Variants in DNAH5 observed in about 807,000 individuals in gnomAD.
DNAH5 encodes axonemal beta dynein heavy chain 5.
Under a neutral mutation model 518.2 loss-of-function variants are expected in DNAH5, and 372 were observed. The ratio of observed to expected loss-of-function variants is 0.72; its 90% CI spans 0.66 to 0.78. The LOEUF (loss-of-function observed/expected upper bound fraction) is 0.78. Among genes scored for constraint, DNAH5 ranks in the 30% least tolerant of loss-of-function variants. The probability of loss-of-function intolerance (pLI) is 0.00; values close to 1 mark genes in which losing one functional copy is unlikely to be tolerated. For missense variants in DNAH5, 5,523 were observed against 5,687.0 expected (o/e 0.97, Z 0.93); for synonymous variants, 2,039 against 2,025.9 (o/e 1.01, Z -0.17).
chr5:13,718,864 A>G lies in DNAH5; in HGVS notation c.12499+18T>C, dbSNP rs1744658385. On this transcript the variant is annotated intron_variant, in intron 72 of 78. Coordinates refer to ENST00000265104, the MANE Select transcript of DNAH5 (RefSeq NM_001369.3). ...AGTAAGGAAACTCCTGTAGACTCGC[A>G]AGTATTTCTGGACTCACCACTATAT... 1 of 1,590,106 alleles carries G rather than the reference A, an allele frequency of 6.3e-7. No individual in the cohort carries two copies. Among genetic ancestry groups the G allele is most frequent in the Non-Finnish European group, 8.6e-7 (1 of 1,158,218 alleles).
At chr5:13,738,793 T>G (rs1328862062) in intron 65 of DNAH5, among the ~76,000 whole-genome samples, 2 of 152,130 alleles carry the variant, frequency 1.3e-5, no homozygotes, top group African/African-American at 2.4e-5. Context: ...CAACTTGCTA[T>G]ATGAGAGACT....
intron 38 of DNAH5, among the ~76,000 whole-genome samples, chr5:13,826,201 G>A (rs1762867020): frequency 6.6e-6 from 1 of 152,162 alleles, no homozygotes; most frequent in South Asian, 2.1e-4. Flanking sequence ...CAACTATTTT[G>A]CACACATTGA....
chr5:13,810,143 G>A lies in DNAH5; in HGVS notation c.7525C>T (p.Arg2509Cys), dbSNP rs531393117. 465 of 1,548,946 alleles carry A rather than the reference G, an allele frequency of 3.0e-4. 11 individuals carry two copies. In the South Asian group the frequency reaches 5.4e-3, roughly 18 times the overall value. Residue 2509 changes from arginine to cysteine, a missense_variant, in exon 45 of 79, where the codon CGC (arginine) becomes TGC (cysteine). By Grantham distance (180) the Arg-to-Cys change is radical. Around this residue, in one of 3 missense-constraint regions of DNAH5, gnomAD observed 5,121 missense variants for 5,223.3 expected, o/e 0.98. Coordinates refer to ENST00000265104, the MANE Select transcript of DNAH5 (RefSeq NM_001369.3). ...DGRRRLELWL[R>C]SRPTGTLELP... Reference sequence around the variant, plus strand: ...TCCAGCGTCCCTGTGGGCCGAGAGCGCAGCCAGAGCTCCAGGCGGCGCCGT... The same window carrying A: ...TCCAGCGTCCCTGTGGGCCGAGAGCACAGCCAGAGCTCCAGGCGGCGCCGT...
chr5:13,724,289 G>T (rs1745436884), intron 70 of DNAH5, among the ~76,000 whole-genome samples: 1 of 152,200 alleles, frequency 6.6e-6, no homozygotes, highest in African/African-American at 2.4e-5. Context: ...AAGATTTAAG[G>T]ACTGCCCTGC....
chr5:13,777,502 G>A, intron 53 of DNAH5, 147 bp from the exon 54 acceptor site: 2 of 591,540 alleles, frequency 3.4e-6, no homozygotes, highest in Non-Finnish European at 5.8e-6. Flanking sequence ...GAATGTTACT[G>A]GTTAATTTTT....
At chr5:13,745,701 ACT>A (rs1749235383) in intron 65 of DNAH5, among the ~76,000 whole-genome samples, 2 of 152,132 alleles carry the variant, frequency 1.3e-5, no homozygotes, top group South Asian at 4.2e-4. Flanking sequence ...ACTCATCCCC[ACT>A]GAAGAGATTC....
chr5:13,769,535 T>C lies in DNAH5; in HGVS notation c.9686A>G (p.Lys3229Arg), dbSNP rs1753029048. ...TTTATCGTTGGCCACTTGTAGCTCC[T>C]TTTCTTTCGCTTCCAGTTCTTTACT... ...ALSKELEAKEKELQVANDKAD... is the reference protein window; with the variant it reads ...ALSKELEAKERELQVANDKAD... Residue 3229 changes from lysine (K) to arginine (R), a missense_variant, in exon 57 of 79, where the codon AAG becomes AGG. This residue lies in a region of DNAH5 where 5,121 missense variants were observed against 5,223.3 expected (regional missense o/e 0.98). Transcript: ENST00000265104. 1 of 1,614,018 alleles carries C rather than the reference T, an allele frequency of 6.2e-7. No homozygotes were observed. The highest frequency in any genetic ancestry group is 2.2e-5 in the East Asian group (1 of 44,878).
intron 24 of DNAH5, among the ~76,000 whole-genome samples, chr5:13,868,477 C>G (rs1769610823): frequency 2.0e-5 from 3 of 152,152 alleles, no homozygotes; most frequent in African/African-American, 7.2e-5. Flanking sequence ...TGAATCAGAG[C>G]CTGGGCCAAG....
chr5:13,778,542 G>GAAAGAA (rs1754491292), intron 53 of DNAH5, among the ~76,000 whole-genome samples: 2 of 42,182 alleles, frequency 4.7e-5, no homozygotes, highest in African/African-American at 9.6e-5. Context: ...AGAGAGAGAA[G>GAAAGAA]AAAGAAAGAA....
intron 75 of DNAH5, among the ~76,000 whole-genome samples, chr5:13,708,642 T>C (rs1338501781): frequency 6.6e-6 from 1 of 152,096 alleles, no homozygotes; most frequent in Non-Finnish European, 1.5e-5. Flanking sequence ...ATTGGGAAAC[T>C]CCCTTTCTGA....
At chr5:13,944,158 A>G (rs1779714610) in intron 1 of DNAH5, among the ~76,000 whole-genome samples, 1 of 152,250 alleles carries the variant, frequency 6.6e-6, no homozygotes, top group South Asian at 2.1e-4. Context: ...CTAGGTGCGT[A>G]GTTTAAGCGG....
At chr5:13,879,107 T>C (rs558300792) in intron 21 of DNAH5, among the ~76,000 whole-genome samples, 5 of 152,260 alleles carry the variant, frequency 3.3e-5, no homozygotes, top group African/African-American at 9.6e-5. Flanking sequence ...TCCTCCCACA[T>C]GAGGTCAGTC....
chr5:13,866,020 T>C lies in DNAH5; in HGVS notation c.4117-114A>G, dbSNP rs1015533054. 7 of 899,220 alleles carry C rather than the reference T, an allele frequency of 7.8e-6. No homozygotes were observed. The South Asian group carries it at 8.7e-5, about 11-fold the overall frequency. The allele number at this position is 899,220 out of a possible 1,614,324, so 55.7% of individuals were successfully genotyped here. On this transcript the variant is annotated intron_variant, in intron 26 of 78. Transcript: ENST00000265104. ...CAGAGATGTATGATCTCTGGGCACA[T>C]GTAAATAGGAATACTAAGTTGGCAT... is the stretch of plus-strand genomic sequence containing the variant.
intron 1 of DNAH5, among the ~76,000 whole-genome samples, chr5:13,967,995 T>C (rs1478677757): frequency 2.0e-5 from 3 of 152,196 alleles, no homozygotes; most frequent in African/African-American, 7.2e-5. Flanking sequence ...TTTCTTTCAG[T>C]AGTGTTCTGT....
Position 13,809,182 on chromosome 5 carries a change from T to C in DNAH5, c.7614A>G (p.Thr2538=), listed in dbSNP as rs756112960. The part of the protein sequence containing the change: ...AFDYYVAPDG[T]WTHWNTRTQE... ...GGGTACGCGTGTTCCAGTGCGTCCA[T>C]GTACCTAAGGTGAGCAGAGGACATT... is the stretch of plus-strand genomic sequence containing the variant. Residue 2538 remains threonine (T), a synonymous_variant, in exon 46 of 79, where the codon ACA becomes ACG. Transcript: ENST00000265104. 6.2e-7 allele frequency: 1 copy of C among 1,614,150 alleles called. No individual in the cohort carries two copies. Among genetic ancestry groups the C allele is most frequent in the Non-Finnish European group, 8.5e-7 (1 of 1,180,004 alleles).
intron 1 of DNAH5, among the ~76,000 whole-genome samples, chr5:13,959,927 C>G (rs1781050780): frequency 6.6e-6 from 1 of 152,022 alleles, no homozygotes; most frequent in Non-Finnish European, 1.5e-5. Context: ...GAGATTGCGC[C>G]ATTGCACTCC....
chr5:13,723,920 C>A (rs370405586), intron 70 of DNAH5, among the ~76,000 whole-genome samples: 1 of 152,036 alleles, frequency 6.6e-6, no homozygotes, highest in African/African-American at 2.4e-5. Context: ...AGTTCCTGGG[C>A]GGGGACATTC....
rs760542094 is a variant in DNAH5 at position 13,788,774 on chromosome 5, C to T, written c.8589G>A (p.Val2863=). The T allele has an allele frequency of 6.2e-7, 1 of 1,614,078 alleles. No homozygotes were observed. Among genetic ancestry groups the T allele is most frequent in the Non-Finnish European group, 8.5e-7 (1 of 1,179,992 alleles). Residue 2863 remains valine (V), a synonymous_variant, in exon 51 of 79, where the codon GTG becomes GTA. Transcript: ENST00000265104. The stretch of plus-strand genomic sequence containing the variant: ...CAAAATATGTGTCAATTCCACAATC[C>T]ACCAAGAGTTTTTTCTCTTCACCAA... The part of the protein sequence containing the change: ...EEFGEEKKLL[V]DCGIDTYFVD...
chr5:13,964,161 T>G (rs1781380713), intron 1 of DNAH5, among the ~76,000 whole-genome samples: 2 of 152,222 alleles, frequency 1.3e-5, no homozygotes, highest in South Asian at 4.1e-4. Flanking sequence ...CTTTAATTCT[T>G]TAAACACTTG....
Sources: allele counts gnomAD v4.1 joint callset (sites outside exome capture counted in the v4.1 genomes callset), GRCh38; gene constraint gnomAD v4.1.1; regional missense constraint gnomAD v4.1.1; transcripts MANE v1.5; gene names NCBI Gene and HGNC (gene_info 2026-07-23, HGNC 2026-07-21).